JAK1: variants seen among roughly 807,000 people sequenced by gnomAD.
JAK1 encodes the protein Janus kinase 1.
JAK1 carries 16 observed loss-of-function variants against 136.6 expected under a neutral mutation model. The ratio of observed to expected loss-of-function variants is 0.12; its 90% CI spans 0.08 to 0.18. JAK1 has a LOEUF of 0.18. Among genes scored for constraint, JAK1 ranks in the 10% least tolerant of loss-of-function variants. JAK1 has a pLI of 1.00. For synonymous variants in JAK1, 492 were observed against 519.5 expected, an observed-to-expected ratio of 0.95 and a Z score of 0.72; for missense variants, 859 against 1,450.1, an observed-to-expected ratio of 0.59 and a Z score of 6.62.
At chr1:64,958,899 T>C (rs2100617819) in intron 1 of JAK1, among the ~76,000 whole-genome samples, 1 of 152,350 alleles carries the variant, frequency 6.6e-6, no homozygotes. Context: ...AAATGGTTCT[T>C]AGCTATTTCT....
chr1:64,978,471 T>C (rs995115381), intron 2 of JAK1, among the ~76,000 whole-genome samples: 3 of 152,210 alleles, frequency 2.0e-5, no homozygotes, highest in Non-Finnish European at 4.4e-5. Context: ...TTTAATCTAA[T>C]TGAAGGCTTT....
intron 11 of JAK1, among the ~76,000 whole-genome samples, chr1:64,854,526 C>A (rs1156318987): frequency 6.6e-6 from 1 of 152,180 alleles, no homozygotes; most frequent in Admixed American, 6.5e-5. Flanking sequence ...CCACTTCGCT[C>A]TTCTGGGCCT....
chr1:64,891,570 C>T (rs1644936805), intron 1 of JAK1, among the ~76,000 whole-genome samples: 1 of 152,128 alleles, frequency 6.6e-6, no homozygotes, highest in South Asian at 2.1e-4. Flanking sequence ...AGGAAGCCTC[C>T]TAACAGCCTA....
Position 64,984,471 on chromosome 1 carries a change from C to T in JAK1, c.-78+60009G>A, listed in dbSNP as rs1646579428. 2 of 228,486 alleles carry T rather than the reference C, an allele frequency of 8.8e-6. No homozygotes were observed. The highest frequency in any genetic ancestry group is 4.6e-5 in the Admixed American group (1 of 21,602). 14.2% of individuals were successfully genotyped at this position (228,486 alleles called of 1,614,324 possible). ...TAAAAGCCATTGAAAATTCAACAAG[C>T]TCCAGTCTTGTTGAGGGAGAAAGGA... On this transcript the variant is annotated intron_variant, in intron 2 of 25. Coordinates refer to the JAK1 transcript ENST00000671954. This position sits in a 1 kb window ranked among gnomAD's most constrained non-coding sequence, Gnocchi z 4.1.
At chr1:65,038,257 G>T (rs1647095596) in intron 2 of JAK1, among the ~76,000 whole-genome samples, 1 of 142,818 alleles carries the variant, frequency 7.0e-6, no homozygotes. Context: ...GGAGTACAAT[G>T]GCGCGATCTC....
At chr1:65,046,206 C>T (rs1281500187) in intron 1 of JAK1, among the ~76,000 whole-genome samples, 1 of 152,222 alleles carries the variant, frequency 6.6e-6, no homozygotes, top group East Asian at 1.9e-4. Context: ...TACTTTCTTC[C>T]CACTAGAGTT....
chr1:64,840,380 T>C (rs1360392311), intron 19 of JAK1, among the ~76,000 whole-genome samples: 2 of 152,206 alleles, frequency 1.3e-5, no homozygotes, highest in Non-Finnish European at 1.5e-5. Flanking sequence ...TGGAGATGTA[T>C]CAAGTCTGTT....
chr1:64,938,029 G>A (rs986260059), intron 1 of JAK1, among the ~76,000 whole-genome samples: 11 of 151,802 alleles, frequency 7.2e-5, no homozygotes, highest in East Asian at 5.8e-4. Context: ...ACAGGTGCCC[G>A]CCACCACACC....
At chr1:65,023,252 G>T (rs1199952483) in intron 2 of JAK1, among the ~76,000 whole-genome samples, 3 of 151,872 alleles carry the variant, frequency 2.0e-5, no homozygotes, top group African/African-American at 4.8e-5. Context: ...ACAGGCATAC[G>T]TAGCCATACT....
chr1:64,998,775 G>A lies in JAK1; in HGVS notation c.-78+45705C>T, dbSNP rs372638012. On this transcript the variant is annotated intron_variant, in intron 2 of 25. Coordinates refer to the JAK1 transcript ENST00000671954. ...ACAAGCTCTCTCTTTGCCTGCTGCC[G>A]TCCATGTAAGATGTGACTTGTTCCT... Among the ~76,000 whole-genome samples the A allele has an allele frequency of 3.0e-4, 45 of 152,224 alleles. 5 individuals are homozygous for A. Among genetic ancestry groups the A allele is most frequent in the Admixed American group, 5.9e-4 (9 of 15,284 alleles).
chr1:64,858,484 G>A (rs372210298), intron 9 of JAK1, among the ~76,000 whole-genome samples: 21 of 152,284 alleles, frequency 1.4e-4, no homozygotes, highest in African/African-American at 4.1e-4. Flanking sequence ...TACCCTTTCC[G>A]TGCTTTAAGG....
intron 2 of JAK1, chr1:64,985,718 A>T (rs747430387): frequency 1.7e-4 from 116 of 700,092 alleles, no homozygotes; most frequent in Admixed American, 5.9e-4. Context: ...AGAGGCCAAT[A>T]ACCAAGTAGG....
At chr1:64,962,724 G>A (rs1302543463) in intron 1 of JAK1, among the ~76,000 whole-genome samples, 1 of 152,176 alleles carries the variant, frequency 6.6e-6, no homozygotes, top group Non-Finnish European at 1.5e-5. Flanking sequence ...AAGCAGAGAG[G>A]AAACAAGCTG....
intron 2 of JAK1, among the ~76,000 whole-genome samples, chr1:64,983,579 G>T (rs1347484793): frequency 1.3e-5 from 2 of 152,086 alleles, no homozygotes; most frequent in East Asian, 1.9e-4. Flanking sequence ...ATTATTTTAG[G>T]TTTCTCATTT....
chr1:64,966,556 TCCCGTCCCGC>T (rs549354771), upstream of JAK1: 179 of 148,492 alleles, frequency 1.2e-3, 1 homozygote, highest in African/African-American at 4.3e-3. Context: ...ACGCACCGCC[TCCCGTCCCGC>T]CCCGCCCCGC....
At chr1:64,928,782 A>AGAC (rs952619909) in intron 1 of JAK1, among the ~76,000 whole-genome samples, 2 of 119,358 alleles carry the variant, frequency 1.7e-5, no homozygotes, top group African/African-American at 7.8e-5. Context: ...ACTCTGCAAA[A>AGAC]AAAAAAAAAA....
intron 3 of JAK1, 64 bp downstream of exon 3, chr1:64,883,213 C>A: frequency 7.3e-7 from 1 of 1,363,194 alleles, no homozygotes; most frequent in East Asian, 2.4e-5. Flanking sequence ...GGGCAGAGAC[C>A]CCCAGATCTT....
intron 2 of JAK1, among the ~76,000 whole-genome samples, chr1:65,017,049 C>T (rs1646897106): frequency 6.6e-6 from 1 of 152,026 alleles, no homozygotes; most frequent in South Asian, 2.1e-4. Context: ...TTATAAGTAC[C>T]TAGTAGTGCA....
chr1:64,935,553 G>A (rs938691002), intron 1 of JAK1, among the ~76,000 whole-genome samples: 1 of 151,982 alleles, frequency 6.6e-6, no homozygotes, highest in Non-Finnish European at 1.5e-5. Flanking sequence ...TGCCTGCCTC[G>A]GCCTCCCAAA....
Sources: gnomAD v4.1 joint callset for allele counts (sites outside exome capture counted in the v4.1 genomes callset) on GRCh38, gnomAD v4.1.1 for gene constraint, Gnocchi (gnomAD v3.1) non-coding constraint, MANE v1.5 for transcripts, NCBI Gene and HGNC (gene_info 2026-07-23, HGNC 2026-07-21) for gene names.